ADARB2: variants seen among roughly 807,000 people sequenced by gnomAD.
ADARB2 encodes inactive double-stranded RNA-specific editase B2.
ADARB2 carries 25 observed loss-of-function variants against 62.2 expected under a neutral mutation model. The ratio of observed to expected loss-of-function variants is 0.40; its 90% CI spans 0.29 to 0.56. The LOEUF is 0.56. Ranked by LOEUF, ADARB2 falls within the 20% of genes least tolerant of loss-of-function variation. The pLI is 0.43. For missense variants in ADARB2, 1,071 were observed against 1,077.4 expected, an observed-to-expected ratio of 0.99 and a Z score of 0.08; for synonymous variants, 572 against 500.8, an observed-to-expected ratio of 1.14 and a Z score of -1.90.
chr10:1,267,756 G>A (rs115051125), intron 4 of ADARB2, among the ~76,000 whole-genome samples: 3,905 of 152,328 alleles, frequency 0.026, 62 homozygotes, highest in Middle Eastern at 0.051. Context: ...GAGCCTCTGC[G>A]TGTCCTGACG....
intron 1 of ADARB2, among the ~76,000 whole-genome samples, chr10:1,430,095 T>C (rs746644385): frequency 1.1e-4 from 17 of 152,198 alleles, no homozygotes; most frequent in Non-Finnish European, 2.2e-4. Flanking sequence ...CAATTGGATT[T>C]AGAAAGTATG....
intron 3 of ADARB2, among the ~76,000 whole-genome samples, chr10:1,350,355 T>G (rs545627966): frequency 6.6e-6 from 1 of 152,248 alleles, no homozygotes; most frequent in Non-Finnish European, 1.5e-5. Flanking sequence ...CTTCCTTTTC[T>G]ACAGACCCAT....
chr10:1,357,425 C>G (rs1832206795), intron 3 of ADARB2, among the ~76,000 whole-genome samples: 1 of 152,152 alleles, frequency 6.6e-6, no homozygotes, highest in South Asian at 2.1e-4. Context: ...CCTCCTGTCC[C>G]TGGCACCACA....
At chr10:1,378,952 A>C (rs540575619) in intron 2 of ADARB2, 122 bp downstream of exon 2, 1 of 776,648 alleles carries the variant, frequency 1.3e-6, no homozygotes, top group Non-Finnish European at 2.2e-6. Flanking sequence ...CTGTCTCTCC[A>C]GGTAAGACCA....
At chr10:1,365,224 A>G (rs1832304195) in intron 2 of ADARB2, among the ~76,000 whole-genome samples, 1 of 152,006 alleles carries the variant, frequency 6.6e-6, no homozygotes, top group Non-Finnish European at 1.5e-5. Flanking sequence ...TATATCTGTT[A>G]TGGTGCCCTC....
intron 1 of ADARB2, among the ~76,000 whole-genome samples, chr10:1,442,922 T>C (rs1391009935): frequency 6.6e-6 from 1 of 152,202 alleles, no homozygotes; most frequent in Non-Finnish European, 1.5e-5. Flanking sequence ...TGAGCCAGTC[T>C]GAAAAGCGAG....
intron 1 of ADARB2, among the ~76,000 whole-genome samples, chr10:1,687,320 C>T (rs1834609987): frequency 6.6e-6 from 1 of 152,180 alleles, no homozygotes; most frequent in Non-Finnish European, 1.5e-5. Flanking sequence ...GCCACCACGC[C>T]CAGGCGTGAC....
intron 1 of ADARB2, among the ~76,000 whole-genome samples, chr10:1,479,335 A>G (rs1350721925): frequency 1.3e-5 from 2 of 152,206 alleles, no homozygotes; most frequent in Non-Finnish European, 1.5e-5. Flanking sequence ...CCCAGGCAGT[A>G]GCAGATCACC....
chr10:1,218,816 G>A (rs574597532), intron 6 of ADARB2, among the ~76,000 whole-genome samples: 5 of 152,042 alleles, frequency 3.3e-5, no homozygotes, highest in East Asian at 3.9e-4. Flanking sequence ...AGGCAGAGGC[G>A]GGCGGATCAC....
At chr10:1,358,647 C>CA (rs1564267817) in intron 3 of ADARB2, among the ~76,000 whole-genome samples, 1 of 150,938 alleles carries the variant, frequency 6.6e-6, no homozygotes, top group Non-Finnish European at 1.5e-5. Flanking sequence ...TTTTTTTCAG[C>CA]AAAACAAAGA....
intron 1 of ADARB2, among the ~76,000 whole-genome samples, chr10:1,626,566 G>A (rs1833772060): frequency 6.6e-6 from 1 of 152,162 alleles, no homozygotes; most frequent in Non-Finnish European, 1.5e-5. Context: ...CGTGTCATGG[G>A]AGTTCCCAGG....
chr10:1,478,443 T>A (rs1444645293), intron 1 of ADARB2, among the ~76,000 whole-genome samples: 2 of 152,176 alleles, frequency 1.3e-5, no homozygotes. Context: ...TGGGTCCAAC[T>A]CTTAAATTTG....
rs182264236 is a variant in ADARB2 at position 1,366,135 on chromosome 10, G to A, written c.188-2218C>T. ...AAGATCCAGTCCAGTCTCCCCTGGA[G>A]AGTGTAGGAGGGAAGTGCAATGAGG... On this transcript the variant is annotated intron_variant, in intron 2 of 9. Transcript: ENST00000381312. Among the ~76,000 whole-genome samples, 36 of 152,376 alleles carry A rather than the reference G, an allele frequency of 2.4e-4. No individual in the cohort carries two copies. The East Asian group carries it at 6.7e-3, about 29-fold the overall frequency.
At chr10:1,192,987 A>G (rs1836863594) in intron 8 of ADARB2, among the ~76,000 whole-genome samples, 1 of 152,262 alleles carries the variant, frequency 6.6e-6, no homozygotes, top group Non-Finnish European at 1.5e-5. Flanking sequence ...AGAAGGGAAT[A>G]TGAATGTTGA....
rs762844285 is a variant in ADARB2, at chr10:1,283,542, C to T, written c.1078-12473G>A. 2.7e-4 allele frequency among the ~76,000 whole-genome samples: 41 copies of T among 152,306 alleles called. 1 individual carries two copies. Among genetic ancestry groups the T allele is most frequent in the Admixed American group, 1.7e-3 (26 of 15,306 alleles). On this transcript the variant is annotated intron_variant, in intron 3 of 9. Coordinates refer to ENST00000381312, the MANE Select transcript of ADARB2 (RefSeq NM_018702.4). ...TATGGCACATGCCCTCCATGTGGTT[C>T]ATCAGAGGAGTGTTGACGATCTTGA...
chr10:1,400,877 A>C (rs1832655721), intron 1 of ADARB2, among the ~76,000 whole-genome samples: 1 of 152,186 alleles, frequency 6.6e-6, no homozygotes. Flanking sequence ...TGAATGTTCT[A>C]GAAAGCAGCT....
chr10:1,345,188 C>A (rs1832068221), intron 3 of ADARB2, among the ~76,000 whole-genome samples: 1 of 152,086 alleles, frequency 6.6e-6, no homozygotes, highest in South Asian at 2.1e-4. Flanking sequence ...TCACGGTGGT[C>A]CCCCCTCACG....
intron 1 of ADARB2, among the ~76,000 whole-genome samples, chr10:1,596,950 C>T (rs969633711): frequency 6.6e-6 from 1 of 152,092 alleles, no homozygotes; most frequent in Admixed American, 6.6e-5. Flanking sequence ...GCTTCATCGC[C>T]GACTTCTCTC....
chr10:1,190,532 T>C (rs1352722028), intron 8 of ADARB2, among the ~76,000 whole-genome samples: 2 of 152,218 alleles, frequency 1.3e-5, no homozygotes, highest in Non-Finnish European at 2.9e-5. Context: ...CAGAAATCTG[T>C]CCTGTCGTAG....
Sources: gnomAD v4.1 joint callset for allele counts (sites outside exome capture counted in the v4.1 genomes callset) on GRCh38, gnomAD v4.1.1 for gene constraint, MANE v1.5 for transcripts, NCBI Gene and HGNC (gene_info 2026-07-23, HGNC 2026-07-21) for gene names.